C1orf141: variants seen among roughly 807,000 people sequenced by gnomAD.
C1orf141 encodes chromosome 1 open reading frame 141.
Under a neutral mutation model 23.2 loss-of-function variants are expected in C1orf141, and 19 were observed. That is an observed-to-expected ratio of 0.82 (90% confidence interval 0.57 to 1.20). The LOEUF is 1.20. Ranked by LOEUF, C1orf141 falls within the 50% of genes most tolerant of loss-of-function variation. C1orf141 has a pLI of 0.00. For synonymous variants in C1orf141, 153 were observed against 154.6 expected (o/e 0.99, Z 0.08); for missense variants, 469 against 455.1 (o/e 1.03, Z -0.28).
intron 4 of C1orf141, among the ~76,000 whole-genome samples, chr1:67,118,850 C>T (rs1646247969): frequency 6.6e-6 from 1 of 152,128 alleles, no homozygotes; most frequent in African/African-American, 2.4e-5. Context: ...AATACCCTCA[C>T]CAGACACCCA....
At position 67,127,156 on chromosome 1, in the gene C1orf141, C is replaced by T. The variant is rs763078869; in HGVS notation, c.75+10G>A. On this transcript the variant is annotated intron_variant, in intron 3 of 7. Coordinates refer to ENST00000684719, the MANE Select transcript of C1orf141 (RefSeq NM_001276351.2). ...TGATTAAACTGAATTGTAGCTTATA[C>T]GTCACAAACCTTTGTTCTTCTGGCC... 13 of 1,580,364 alleles carry T rather than the reference C, an allele frequency of 8.2e-6. No homozygotes were observed. The highest frequency in any genetic ancestry group is 5.4e-5 in the African/African-American group (4 of 73,870).
At chr1:67,104,031 T>C (rs996476221) in intron 5 of C1orf141, among the ~76,000 whole-genome samples, 4 of 152,146 alleles carry the variant, frequency 2.6e-5, no homozygotes, top group Non-Finnish European at 4.4e-5. Context: ...TATTTAGTTC[T>C]GGATAATATG....
intron 5 of C1orf141, chr1:67,111,645 C>A: frequency 7.4e-7 from 1 of 1,350,800 alleles, no homozygotes; most frequent in South Asian, 1.6e-5. Flanking sequence ...TCTACTGGCT[C>A]TAAAGAAACA....
chr1:67,130,385 C>A (rs1012198243), intron 2 of C1orf141, among the ~76,000 whole-genome samples: 4 of 152,298 alleles, frequency 2.6e-5, no homozygotes, highest in African/African-American at 9.6e-5. Flanking sequence ...TGAGGGCCAG[C>A]TGAAACAATG....
At chr1:67,094,705 C>A (rs1241035239) in intron 7 of C1orf141, 1 of 152,252 alleles carries the variant, frequency 6.6e-6, no homozygotes, top group Non-Finnish European at 1.5e-5. Flanking sequence ...AGCCATATTG[C>A]CTCTCTAGAG....
upstream of C1orf141, chr1:67,139,011 A>G (rs1369510190): frequency 6.6e-6 from 1 of 152,292 alleles, no homozygotes; most frequent in African/African-American, 2.4e-5. Context: ...TTTGAGCCTT[A>G]TGCTATGGGA....
intron 7 of C1orf141, 61 bp from the exon 8 acceptor site, chr1:67,093,665 A>G: frequency 3.1e-6 from 4 of 1,287,320 alleles, no homozygotes; most frequent in Non-Finnish European, 4.2e-6. Context: ...AGCTCCATAT[A>G]TTTTAAAACA....
chr1:67,119,678 G>A (rs1479279829), intron 4 of C1orf141, among the ~76,000 whole-genome samples: 2 of 152,140 alleles, frequency 1.3e-5, no homozygotes, highest in African/African-American at 4.8e-5. Flanking sequence ...GAATAGAGAT[G>A]GGATTATACC....
chr1:67,129,079 A>T (rs1446787102), intron 2 of C1orf141, among the ~76,000 whole-genome samples: 3 of 152,016 alleles, frequency 2.0e-5, no homozygotes, highest in Non-Finnish European at 2.9e-5. Flanking sequence ...ACTGAATGAC[A>T]TCCCATCCCA....
intron 1 of C1orf141, among the ~76,000 whole-genome samples, chr1:67,133,603 A>G (rs751539270): frequency 6.6e-6 from 1 of 152,320 alleles, no homozygotes; most frequent in Non-Finnish European, 1.5e-5. Flanking sequence ...AGGATCTCAG[A>G]CTGTGATTGT....
chr1:67,138,406 A>T (rs531283246), upstream of C1orf141, among the ~76,000 whole-genome samples: 1 of 152,334 alleles, frequency 6.6e-6, no homozygotes, highest in East Asian at 1.9e-4. Flanking sequence ...TCTGAATTGG[A>T]CACGTTTTAC....
At chr1:67,109,719 C>T (rs1049253000) in intron 5 of C1orf141, among the ~76,000 whole-genome samples, 11 of 151,980 alleles carry the variant, frequency 7.2e-5, no homozygotes, top group Admixed American at 6.6e-5. Context: ...ATAGTATTTA[C>T]GTCATTGGGT....
At chr1:67,138,636 C>G (rs1181031566), upstream of C1orf141, among the ~76,000 whole-genome samples, 1 of 152,120 alleles carries the variant, frequency 6.6e-6, no homozygotes, top group African/African-American at 2.4e-5. Flanking sequence ...CCATCTGAGC[C>G]CATTCTATGT....
intron 2 of C1orf141, among the ~76,000 whole-genome samples, chr1:67,130,358 G>C (rs759221450): frequency 6.6e-6 from 1 of 152,120 alleles, no homozygotes; most frequent in Non-Finnish European, 1.5e-5. Flanking sequence ...CCCAGTTTGG[G>C]GAACGTATAA....
intron 5 of C1orf141, among the ~76,000 whole-genome samples, chr1:67,102,375 G>A (rs920621872): frequency 6.7e-6 from 1 of 150,272 alleles, no homozygotes; most frequent in Non-Finnish European, 1.5e-5. Flanking sequence ...TCTTACTGTG[G>A]CCATGTTAAA....
chr1:67,135,871 A>G (rs191910233), upstream of C1orf141, among the ~76,000 whole-genome samples: 96 of 147,762 alleles, frequency 6.5e-4, no homozygotes, highest in Non-Finnish European at 1.2e-3. Flanking sequence ...AGAATTAATC[A>G]TCACAAGTCT....
chr1:67,135,959 G>C (rs1646582261), upstream of C1orf141, among the ~76,000 whole-genome samples: 1 of 137,602 alleles, frequency 7.3e-6, no homozygotes, highest in Non-Finnish European at 1.5e-5. Context: ...AATTTGGCTA[G>C]AAATTGATAT....
intron 4 of C1orf141, among the ~76,000 whole-genome samples, chr1:67,124,524 G>C (rs1646365749): frequency 1.3e-5 from 2 of 152,104 alleles, no homozygotes; most frequent in South Asian, 4.1e-4. Context: ...TCACCATGTT[G>C]CTCAGGCTGG....
In C1orf141 at chr1:67,095,406, C is replaced by A; in HGVS notation, c.432G>T (p.Gln144His). Residue 144 changes from glutamine to histidine, a missense_variant, in exon 7 of 8, where the codon CAG becomes CAT. By Grantham distance (24) the Gln-to-His change is conservative. Coordinates refer to ENST00000684719, the MANE Select transcript of C1orf141 (RefSeq NM_001276351.2). The stretch of plus-strand genomic sequence containing the variant: ...TTTCTTTTATATTAAAATCGTTCAT[C>A]TGTGGAGATTTTTTTCTGAAAATAA... ...GDRNKRKKSP[Q>H]MNDFNIKENK... The A allele has an allele frequency of 6.5e-7, 1 of 1,534,472 alleles. No individual in the cohort carries two copies.
Sources: allele counts gnomAD v4.1 joint callset (sites outside exome capture counted in the v4.1 genomes callset), GRCh38; gene constraint gnomAD v4.1.1; transcripts MANE v1.5; gene names NCBI Gene and HGNC (gene_info 2026-07-23, HGNC 2026-07-21).